The following IPCEF1 variants were observed in gnomAD, a reference collection of about 807,000 sequenced individuals.
IPCEF1 encodes interaction protein for cytohesin exchange factors 1, also known as interactor protein for cytohesin exchange factors 1.
IPCEF1 carries 31 observed loss-of-function variants against 50.9 expected under a neutral mutation model. That is an observed-to-expected ratio of 0.61 (90% confidence interval 0.46 to 0.82). The LOEUF is 0.82. Among genes scored for constraint, IPCEF1 ranks in the 40% least tolerant of loss-of-function variants. IPCEF1 has a pLI of 0.00. For synonymous variants in IPCEF1, 181 were observed against 192.0 expected (o/e 0.94, Z 0.47); for missense variants, 458 against 514.0 (o/e 0.89, Z 1.05).
chr6:154,166,838 G>A (rs1250279053), intron 11 of IPCEF1, among the ~76,000 whole-genome samples: 2 of 152,152 alleles, frequency 1.3e-5, no homozygotes, highest in Non-Finnish European at 1.5e-5. Flanking sequence ...ATATTCATCA[G>A]CTTCGTACAT....
chr6:154,296,560 T>C (rs1460546837), intron 1 of IPCEF1, among the ~76,000 whole-genome samples: 3 of 152,138 alleles, frequency 2.0e-5, no homozygotes, highest in East Asian at 1.9e-4. Flanking sequence ...CCGGGCGTGG[T>C]GGCTCACGCC....
At chr6:154,316,410 A>G (rs1227317980) in intron 1 of IPCEF1, among the ~76,000 whole-genome samples, 1 of 152,230 alleles carries the variant, frequency 6.6e-6, no homozygotes, top group Non-Finnish European at 1.5e-5. Context: ...AGTTATGCCT[A>G]GATACACAAG....
chr6:154,275,847 C>CA (rs976581191), intron 2 of IPCEF1, among the ~76,000 whole-genome samples: 3 of 152,056 alleles, frequency 2.0e-5, no homozygotes, highest in African/African-American at 7.3e-5. Flanking sequence ...GAGTTGGAGC[C>CA]AAAACCCCTT....
At chr6:154,353,164 T>C (rs1345711056) in intron 1 of IPCEF1, among the ~76,000 whole-genome samples, 5 of 152,194 alleles carry the variant, frequency 3.3e-5, no homozygotes, top group Non-Finnish European at 5.9e-5. Context: ...AAATTTTAAG[T>C]GTCATTTCTT....
At chr6:154,248,950 T>C (rs1191069501) in intron 3 of IPCEF1, among the ~76,000 whole-genome samples, 1 of 152,146 alleles carries the variant, frequency 6.6e-6, no homozygotes, top group East Asian at 1.9e-4. Flanking sequence ...GATTTATGTA[T>C]CCTTCAGCAA....
intron 1 of IPCEF1, among the ~76,000 whole-genome samples, chr6:154,307,158 C>T (rs1782956419): frequency 6.6e-6 from 1 of 152,120 alleles, no homozygotes; most frequent in African/African-American, 2.4e-5. Flanking sequence ...CTCTGTGTCC[C>T]CACCCAAATC....
chr6:154,322,514 C>T (rs1450828812), intron 1 of IPCEF1, among the ~76,000 whole-genome samples: 1 of 151,812 alleles, frequency 6.6e-6, no homozygotes, highest in African/African-American at 2.4e-5. Context: ...GACTTAAAGA[C>T]CTGGAAAAGA....
intron 3 of IPCEF1, among the ~76,000 whole-genome samples, chr6:154,262,656 T>G (rs2128652684): frequency 6.6e-6 from 1 of 152,228 alleles, no homozygotes; most frequent in South Asian, 2.1e-4. Context: ...GTGGAAAAGG[T>G]GGAGCAATAT....
chr6:154,304,101 T>A (rs1782869140), intron 1 of IPCEF1, among the ~76,000 whole-genome samples: 1 of 150,492 alleles, frequency 6.6e-6, no homozygotes, highest in African/African-American at 2.5e-5. Flanking sequence ...GGCACACCGG[T>A]AGTCCCAGCT....
intron 5 of IPCEF1, among the ~76,000 whole-genome samples, chr6:154,236,801 C>A (rs1040426608): frequency 6.6e-6 from 1 of 152,122 alleles, no homozygotes; most frequent in Non-Finnish European, 1.5e-5. Flanking sequence ...GCCTCAGCAT[C>A]AGGGTAGAAT....
At chr6:154,254,843 T>C (rs114196720) in intron 3 of IPCEF1, among the ~76,000 whole-genome samples, 166 of 152,322 alleles carry the variant, frequency 1.1e-3, no homozygotes, top group African/African-American at 3.6e-3. Flanking sequence ...TTTAATCTAC[T>C]TACATTTAAC....
At chr6:154,211,628 A>G (rs1777973563) in intron 9 of IPCEF1, among the ~76,000 whole-genome samples, 1 of 152,180 alleles carries the variant, frequency 6.6e-6, no homozygotes, top group Admixed American at 6.5e-5. Flanking sequence ...CACTCACCAC[A>G]ATGAAGGTGA....
chr6:154,205,161 T>C (rs1777390270), intron 9 of IPCEF1, among the ~76,000 whole-genome samples: 1 of 152,188 alleles, frequency 6.6e-6, no homozygotes, highest in Non-Finnish European at 1.5e-5. Context: ...TTCAGAGCAT[T>C]TGTCAGTCCT....
At chr6:154,307,630 C>T (rs1782970036) in intron 1 of IPCEF1, among the ~76,000 whole-genome samples, 1 of 152,122 alleles carries the variant, frequency 6.6e-6, no homozygotes, top group Non-Finnish European at 1.5e-5. Context: ...TTCCTTAATC[C>T]CATACCCGCC....
intron 5 of IPCEF1, among the ~76,000 whole-genome samples, chr6:154,243,803 T>A (rs781390339): frequency 2.0e-5 from 3 of 152,218 alleles, no homozygotes; most frequent in Admixed American, 2.0e-4. Context: ...CCCATGTGAC[T>A]TGGGACAATT....
chr6:154,180,561 T>C (rs1373296078), intron 10 of IPCEF1, among the ~76,000 whole-genome samples: 1 of 152,068 alleles, frequency 6.6e-6, no homozygotes. Context: ...TACCCCAGTC[T>C]ATTGTCTGCT....
chr6:154,221,234 G>C (rs774616587), intron 7 of IPCEF1, 23 bp downstream of exon 7: 1 of 1,594,034 alleles, frequency 6.3e-7, no homozygotes, highest in South Asian at 1.1e-5. Flanking sequence ...TAAGGATGGG[G>C]TTTACCAGTT....
chr6:154,241,295 T>C (rs1469104067), intron 5 of IPCEF1, among the ~76,000 whole-genome samples: 1 of 151,078 alleles, frequency 6.6e-6, no homozygotes, highest in African/African-American at 2.4e-5. Flanking sequence ...TCATTTTTTC[T>C]AGTCAAGGCT....
chr6:154,184,076 G>A (rs1232002512), intron 10 of IPCEF1, among the ~76,000 whole-genome samples: 1 of 151,984 alleles, frequency 6.6e-6, no homozygotes, highest in Non-Finnish European at 1.5e-5. Context: ...CTGAAAGCTG[G>A]TACAGCTGTT....
Sources: allele counts gnomAD v4.1 joint callset (sites outside exome capture counted in the v4.1 genomes callset), GRCh38; gene constraint gnomAD v4.1.1; transcripts MANE v1.5; gene names NCBI Gene and HGNC (gene_info 2026-07-23, HGNC 2026-07-21).